The following FXR2 variants were observed in gnomAD, a reference collection of about 807,000 sequenced individuals.
FXR2 encodes the protein FMR1 autosomal homolog 2, also known as RNA-binding protein FXR2.
FXR2 carries 9 observed loss-of-function variants against 87.3 expected under a neutral mutation model. That is an observed-to-expected ratio of 0.10 (90% CI 0.06 to 0.18). The LOEUF (loss-of-function observed/expected upper bound fraction) is 0.18. Among genes scored for constraint, FXR2 ranks in the 10% least tolerant of loss-of-function variants. The pLI, the probability that FXR2 is intolerant of heterozygous loss-of-function variation, is 1.00. For missense variants in FXR2, 661 were observed against 893.6 expected (o/e 0.74, Z 3.32); for synonymous variants, 331 against 328.3 (o/e 1.01, Z -0.09).
chr17:7,613,968 G>C (rs773455034), intron 1 of FXR2: 1 of 449,242 alleles, frequency 2.2e-6, no homozygotes, highest in South Asian at 1.6e-5. Flanking sequence ...TGGGGTGAGT[G>C]TTCCAGAGCC....
At chr17:7,608,683 T>C (rs1193622298) in intron 1 of FXR2, among the ~76,000 whole-genome samples, 1 of 151,664 alleles carries the variant, frequency 6.6e-6, no homozygotes, top group Non-Finnish European at 1.5e-5. Context: ...TGAATTGAAC[T>C]GCCTTTTCAT....
chr17:7,593,061 G>A lies in FXR2; in HGVS notation c.1451C>T (p.Pro484Leu), dbSNP rs745833337. 17 of 1,586,288 alleles carry A rather than the reference G, an allele frequency of 1.1e-5. No individual in the cohort carries two copies. In the East Asian group the frequency reaches 1.3e-4, roughly 13 times the overall value. The change falls in exon 13 of 17, where the codon CCG becomes CTG. Residue 484 changes from proline (P) to leucine (L), a missense_variant. Physicochemically the swap from Pro to Leu is moderately conservative, Grantham distance 98. Coordinates refer to ENST00000250113, the MANE Select transcript of FXR2 (RefSeq NM_004860.4). This position sits in a 1 kb window ranked among gnomAD's most constrained non-coding sequence, Gnocchi z 6.1. ...PTRGEESRRR[P>L]TGGRGRGPPP... ...GGGTCCCCTACCCCGGCCCCCAGTCGGCCGCCTCCGGCTTTCTTCCCCTCG... is the reference window on the plus strand; with the variant it reads ...GGGTCCCCTACCCCGGCCCCCAGTCAGCCGCCTCCGGCTTTCTTCCCCTCG...
Position 7,597,403 on chromosome 17 carries a change from C to T in FXR2, c.661-1409G>A, listed in dbSNP as rs190670747. Among the ~76,000 whole-genome samples, 5 of 150,188 alleles carry T rather than the reference C, an allele frequency of 3.3e-5. No homozygotes were observed. In the East Asian group the frequency reaches 7.9e-4, roughly 24 times the overall value. The stretch of plus-strand genomic sequence containing the variant: ...AAACTAAGTTGAGTGTTCAAAATCA[C>T]TACATTAGGAGGGGAGGGGAAGAGA... On this transcript the variant is annotated intron_variant, in intron 7 of 16. Coordinates refer to ENST00000250113, the MANE Select transcript of FXR2 (RefSeq NM_004860.4).
intron 6 of FXR2, among the ~76,000 whole-genome samples, chr17:7,602,011 G>C (rs1341120521): frequency 6.6e-6 from 1 of 152,162 alleles, no homozygotes; most frequent in Non-Finnish European, 1.5e-5. Flanking sequence ...AAGGAAAATG[G>C]TTTAGAGAGA....
intron 7 of FXR2, among the ~76,000 whole-genome samples, chr17:7,600,091 T>A (rs1051357621): frequency 1.3e-5 from 2 of 151,004 alleles, no homozygotes; most frequent in Non-Finnish European, 1.5e-5. Flanking sequence ...AGAGACGGGG[T>A]TTCACCCATG....
At chr17:7,607,318 CAAA>C (rs780175985) in intron 1 of FXR2, among the ~76,000 whole-genome samples, 1 of 118,460 alleles carries the variant, frequency 8.4e-6, no homozygotes, top group Non-Finnish European at 1.8e-5. Context: ...AACTCCATCT[CAAA>C]AAAAAAAAAA....
chr17:7,598,029 C>T (rs183188930), intron 7 of FXR2, among the ~76,000 whole-genome samples: 2,050 of 151,610 alleles, frequency 0.014, 49 homozygotes, highest in African/African-American at 0.047. Flanking sequence ...ATTTATCCTA[C>T]ATAAAACTAC....
intron 7 of FXR2, 38 bp downstream of exon 7, chr17:7,601,371 A>G (rs2071754591): frequency 9.4e-7 from 1 of 1,067,590 alleles, no homozygotes. Flanking sequence ...GGAGGAAGAC[A>G]ATACCCTTCA....
rs1273641399 is a variant in FXR2 at position 7,591,725 on chromosome 17, C to T, written c.*105G>A. 2.7e-6 allele frequency: 2 copies of T among 739,618 alleles called. No homozygotes were observed. Among genetic ancestry groups the T allele is most frequent in the East Asian group, 5.3e-5 (2 of 37,440 alleles). 45.8% of individuals were successfully genotyped at this position (739,618 alleles called of 1,614,324 possible). A position where few individuals can be genotyped will look rare whatever the true frequency, so the allele number is the denominator to read the frequency against. ...ACCCAAGCTGCTGTGCCACCCCCCT[C>T]CCCCCTAGATAAGAGCAGCTCCAGC... On this transcript the variant is annotated 3_prime_UTR_variant, in exon 17 of 17. Transcript: ENST00000250113. This position sits in a 1 kb window ranked among gnomAD's most constrained non-coding sequence, Gnocchi z 4.0.
chr17:7,610,919 T>C (rs775429305), intron 1 of FXR2, among the ~76,000 whole-genome samples: 3 of 152,110 alleles, frequency 2.0e-5, no homozygotes, highest in Non-Finnish European at 2.9e-5. Context: ...AATTAGAAGA[T>C]ATAAAATTGG....
At chr17:7,607,489 G>A (rs1248051124) in intron 1 of FXR2, among the ~76,000 whole-genome samples, 1 of 151,740 alleles carries the variant, frequency 6.6e-6, no homozygotes, top group East Asian at 1.9e-4. Context: ...GTGTAATGGC[G>A]CAATCTTGGC....
intron 1 of FXR2, chr17:7,613,828 GCCA>G (rs1470610774): frequency 2.9e-6 from 1 of 346,904 alleles, no homozygotes; most frequent in African/African-American, 2.1e-5. Flanking sequence ...TGCGAAAGAT[GCCA>G]CCTTATGGCT....
chr17:7,600,857 C>T (rs1368124193), intron 7 of FXR2, among the ~76,000 whole-genome samples: 1 of 151,404 alleles, frequency 6.6e-6, no homozygotes. Context: ...ACACTACAGC[C>T]TGGGTGACAA....
Position 7,604,185 on chromosome 17 carries a change from G to A in FXR2, c.229-105C>T, listed in dbSNP as rs557849655. 2.2e-5 allele frequency: 18 copies of A among 829,706 alleles called. No homozygotes were observed. In the East Asian group the frequency reaches 4.0e-4, roughly 19 times the overall value. The allele number at this position is 829,706 out of a possible 1,614,324, so 51.4% of individuals were successfully genotyped here. ...TGGGGCTCACACCTGTAATCTCAGC[G>A]CTTTGGGAGGCTGAGGCAAAAGGAC... On this transcript the variant is annotated intron_variant, in intron 3 of 16. Coordinates refer to ENST00000250113, the MANE Select transcript of FXR2 (RefSeq NM_004860.4).
At chr17:7,606,261 A>T in intron 1 of FXR2, 112 bp from the exon 2 acceptor site, 1 of 688,902 alleles carries the variant, frequency 1.5e-6, no homozygotes, top group Non-Finnish European at 2.5e-6. Flanking sequence ...TTAGATAGGG[A>T]CACAAGTGGT....
chr17:7,609,600 A>T (rs1337245967), intron 1 of FXR2, among the ~76,000 whole-genome samples: 3 of 151,794 alleles, frequency 2.0e-5, no homozygotes, highest in African/African-American at 7.3e-5. Flanking sequence ...GAGCATGTTC[A>T]TTCAGGTTTA....
chr17:7,614,316 C>T (rs1389215407), intron 1 of FXR2, 136 bp downstream of exon 1: 2 of 708,006 alleles, frequency 2.8e-6, no homozygotes, highest in South Asian at 1.7e-5. Context: ...CCAGGGAAGG[C>T]TGCGGGTTGG....
chr17:7,606,304 A>T (rs556506645), intron 1 of FXR2, among the ~76,000 whole-genome samples, 155 bp from the exon 2 acceptor site: 1 of 152,266 alleles, frequency 6.6e-6, no homozygotes, highest in Admixed American at 6.5e-5. Flanking sequence ...TGCACTGGGG[A>T]AAGAATATGG....
chr17:7,596,698 A>C (rs1321264104), intron 7 of FXR2, among the ~76,000 whole-genome samples: 1 of 152,226 alleles, frequency 6.6e-6, no homozygotes, highest in African/African-American at 2.4e-5. Context: ...AGGATTAGAC[A>C]AGGCTGGTGT....
Sources: allele counts gnomAD v4.1 joint callset (sites outside exome capture counted in the v4.1 genomes callset), GRCh38; gene constraint gnomAD v4.1.1; non-coding constraint Gnocchi (gnomAD v3.1); transcripts MANE v1.5; gene names NCBI Gene and HGNC (gene_info 2026-07-23, HGNC 2026-07-21).